POU2F1: variants seen among roughly 807,000 people sequenced by gnomAD.
The protein encoded by POU2F1 is POU domain, class 2, transcription factor 1.
POU2F1 carries 16 observed loss-of-function variants against 84.9 expected under a neutral mutation model. The observed-to-expected ratio is 0.19, with a 90% CI of 0.13 to 0.29. POU2F1 has a LOEUF of 0.29. Ranked by LOEUF, POU2F1 falls within the 10% of genes least tolerant of loss-of-function variation. The probability of loss-of-function intolerance (pLI) is 1.00; values close to 1 mark genes in which losing one functional copy is unlikely to be tolerated. For synonymous variants in POU2F1, 368 were observed against 368.3 expected (o/e 1.00, Z 0.01); for missense variants, 738 against 942.6 (o/e 0.78, Z 2.84).
chr1:167,323,387 C>T (rs1240267842), intron 1 of POU2F1, among the ~76,000 whole-genome samples: 2 of 152,104 alleles, frequency 1.3e-5, no homozygotes, highest in African/African-American at 2.4e-5. Context: ...TTAGAGTGAA[C>T]AGTAGATGAG....
chr1:167,374,414 T>G, intron 6 of POU2F1, 118 bp downstream of exon 6: 5 of 946,278 alleles, frequency 5.3e-6, no homozygotes, highest in Non-Finnish European at 7.7e-6. Context: ...TGAGGAGCTC[T>G]AGATCAGTGA....
intron 1 of POU2F1, among the ~76,000 whole-genome samples, chr1:167,268,753 G>A (rs1307409882): frequency 6.6e-6 from 1 of 152,148 alleles, no homozygotes; most frequent in Non-Finnish European, 1.5e-5. Flanking sequence ...TGGAAGTGGA[G>A]AGCAATGCAC....
intron 1 of POU2F1, among the ~76,000 whole-genome samples, chr1:167,318,346 T>C (rs1056126627): frequency 6.6e-6 from 1 of 152,196 alleles, no homozygotes; most frequent in Non-Finnish European, 1.5e-5. Context: ...TTGACCGTTT[T>C]GTTTAGAGGA....
At chr1:167,404,562 T>A (rs1649426869) in intron 13 of POU2F1, among the ~76,000 whole-genome samples, 1 of 152,142 alleles carries the variant, frequency 6.6e-6, no homozygotes, top group South Asian at 2.1e-4. Context: ...ATAGTCAGAT[T>A]TTATTTTCTT....
chr1:167,318,520 C>T (rs952073228), intron 1 of POU2F1, among the ~76,000 whole-genome samples: 9 of 152,120 alleles, frequency 5.9e-5, no homozygotes, highest in Non-Finnish European at 1.3e-4. Flanking sequence ...TTTTTCTGAC[C>T]AGGTCCAATC....
intron 1 of POU2F1, among the ~76,000 whole-genome samples, chr1:167,226,624 A>G (rs939539026): frequency 9.2e-5 from 14 of 152,190 alleles, no homozygotes; most frequent in African/African-American, 3.4e-4. Context: ...CGTTTACAGT[A>G]TGTTTAGAAT....
At chr1:167,320,348 A>G (rs536427877) in intron 1 of POU2F1, among the ~76,000 whole-genome samples, 1 of 152,196 alleles carries the variant, frequency 6.6e-6, no homozygotes, top group East Asian at 1.9e-4. Context: ...TACTAGACCC[A>G]TCTGTGAAGA....
Position 167,415,570 on chromosome 1 carries a change from G to A in POU2F1, c.2061G>A (p.Ala687=), listed in dbSNP as rs34658638. ...DATGNLVFAN[A]GGAPNIVTAP... ...CTGGGAACCTGGTATTTGCCAATGC[G>A]GGAGGAGCCCCCAACATCGTGACTG... Residue 687 remains alanine (A), a synonymous_variant, in exon 16 of 16, where the codon GCG becomes GCA. Transcript: ENST00000367866. 728 of 1,614,084 alleles carry A rather than the reference G, an allele frequency of 4.5e-4. 2 individuals carry two copies. In the African/African-American group the frequency reaches 8.5e-3, roughly 19 times the overall value.
chr1:167,245,263 G>A (rs1248669110), intron 1 of POU2F1, among the ~76,000 whole-genome samples: 2 of 149,670 alleles, frequency 1.3e-5, no homozygotes, highest in South Asian at 4.2e-4. Context: ...TTTTGTTTGA[G>A]ACAGGGTCTC....
intron 1 of POU2F1, among the ~76,000 whole-genome samples, chr1:167,303,270 C>G (rs1166519075): frequency 5.9e-5 from 9 of 152,014 alleles, no homozygotes; most frequent in Admixed American, 1.3e-4. Context: ...TCTCCATGGT[C>G]CTTTAGTAAG....
intron 2 of POU2F1, among the ~76,000 whole-genome samples, chr1:167,353,458 C>T (rs942155913): frequency 1.3e-5 from 2 of 151,958 alleles, no homozygotes; most frequent in Admixed American, 6.6e-5. Context: ...ATCTTTCAAC[C>T]GCTATTGTTC....
At position 167,389,731 on chromosome 1, in the gene POU2F1, A is replaced by G. The variant is rs1648253865; in HGVS notation, c.957A>G (p.Lys319=). The change falls in exon 9 of 16, where the codon AAA becomes AAG. Residue 319 remains lysine (K), a synonymous_variant. Transcript: ENST00000367866. ...EELEQFAKTF[K]QRRIKLGFTQ... ...TTGAGCAGTTTGCCAAGACCTTCAA[A>G]CAAAGACGAATCAAACTTGGATTCA... 6.2e-7 allele frequency: 1 copy of G among 1,613,992 alleles called. No individual in the cohort carries two copies. Among genetic ancestry groups the G allele is most frequent in the Non-Finnish European group, 8.5e-7 (1 of 1,179,960 alleles).
intron 14 of POU2F1, 56 bp downstream of exon 14, chr1:167,412,360 C>T (rs1161192401): frequency 1.4e-6 from 2 of 1,405,612 alleles, no homozygotes; most frequent in African/African-American, 1.4e-5. Context: ...CCTGGAATTA[C>T]TCACAGGGGA....
At chr1:167,259,609 A>G (rs947202309) in intron 1 of POU2F1, among the ~76,000 whole-genome samples, 1 of 152,136 alleles carries the variant, frequency 6.6e-6, no homozygotes, top group Non-Finnish European at 1.5e-5. Context: ...GATAGAGTGC[A>G]TGGACAAAAT....
intron 1 of POU2F1, chr1:167,319,117 C>A: frequency 6.5e-6 from 1 of 153,588 alleles, no homozygotes; most frequent in South Asian, 1.8e-4. Flanking sequence ...CAGTGTCATT[C>A]TTGACATGGC....
intron 2 of POU2F1, among the ~76,000 whole-genome samples, chr1:167,346,557 A>C (rs1658217398): frequency 6.6e-6 from 1 of 152,128 alleles, no homozygotes; most frequent in Non-Finnish European, 1.5e-5. Context: ...TTTTTACCTC[A>C]CATCATCAGT....
In POU2F1 at chr1:167,275,030, G is replaced by GT. The variant is rs1202443333; in HGVS notation, c.61+54073dup. Among the ~76,000 whole-genome samples, 233 of 120,780 alleles carry GT rather than the reference G, an allele frequency of 1.9e-3. 7 individuals are homozygous for GT. Among genetic ancestry groups the GT allele is most frequent in the African/African-American group, 6.1e-3 (198 of 32,346 alleles). The allele number at this position is 120,780 out of a possible 152,430, so 79.2% of individuals were successfully genotyped here. ...GCTAATCTTACTTAGTCAAATAAAT[G>GT]TATTTTTTTTTTTTTTTTTTTTTGA... On this transcript the variant is annotated intron_variant, in intron 1 of 15. Coordinates refer to ENST00000367866, the MANE Select transcript of POU2F1 (RefSeq NM_002697.4).
chr1:167,304,471 T>C (rs900071454), intron 1 of POU2F1, among the ~76,000 whole-genome samples: 2 of 152,186 alleles, frequency 1.3e-5, no homozygotes, highest in African/African-American at 4.8e-5. Flanking sequence ...TTAGCCTGCT[T>C]ATTTTTTTAA....
intron 10 of POU2F1, 130 bp downstream of exon 10, chr1:167,396,557 G>T: frequency 4.7e-6 from 4 of 859,500 alleles, no homozygotes; most frequent in South Asian, 1.9e-5. Flanking sequence ...CTAATCCTGG[G>T]AGGATCATTA....
Sources: gnomAD v4.1 joint callset for allele counts (sites outside exome capture counted in the v4.1 genomes callset) on GRCh38, gnomAD v4.1.1 for gene constraint, MANE v1.5 for transcripts, NCBI Gene and HGNC (gene_info 2026-07-23, HGNC 2026-07-21) for gene names.